Variants in GAREM1 observed in about 807,000 individuals in gnomAD.
GAREM1 encodes GRB2 associated regulator of MAPK1 subtype 1, also known as GRB2-associated and regulator of MAPK protein 1.
Under a neutral mutation model 71.3 loss-of-function variants are expected in GAREM1, and 26 were observed. The observed-to-expected ratio is 0.36, with a 90% CI of 0.27 to 0.51. The LOEUF is 0.51. GAREM1 is among the 20% of genes least tolerant of loss of function. The pLI, the probability that GAREM1 is intolerant of heterozygous loss-of-function variation, is 0.95. For missense variants in GAREM1, 1,026 were observed against 1,103.1 expected (o/e 0.93, Z 0.99); for synonymous variants, 440 against 433.2 (o/e 1.02, Z -0.20).
At chr18:32,378,955 C>G (rs763160712) in intron 2 of GAREM1, among the ~76,000 whole-genome samples, 9 of 152,140 alleles carry the variant, frequency 5.9e-5, no homozygotes, top group Non-Finnish European at 1.3e-4. Context: ...GGAGACAGAT[C>G]AAATTCAAAA....
chr18:32,268,252 A>T lies in GAREM1; in HGVS notation c.2250T>A (p.Gly750=), dbSNP rs2041404125. The T allele has an allele frequency of 1.9e-6, 3 of 1,614,096 alleles. No homozygotes were observed. Among genetic ancestry groups the T allele is most frequent in the Non-Finnish European group, 2.5e-6 (3 of 1,180,026 alleles). The change falls in exon 6 of 6, where the codon GGT becomes GGA. Residue 750 remains glycine, a synonymous_variant. Transcript: ENST00000269209. ...ACCCAGACTTGGGGTCTTCCTCAGC[A>T]CCATCAATTTTCAGAGGCAAAGGAG... is the stretch of plus-strand genomic sequence containing the variant. ...ETSPLPLKID[G]AEEDPKSGSP...
At chr18:32,342,287 T>C (rs1293014006) in intron 2 of GAREM1, among the ~76,000 whole-genome samples, 1 of 152,064 alleles carries the variant, frequency 6.6e-6, no homozygotes, top group African/African-American at 2.4e-5. Context: ...CATCAATAAC[T>C]CTCCTGGGTT....
intron 2 of GAREM1, among the ~76,000 whole-genome samples, chr18:32,391,739 A>G (rs914170769): frequency 1.3e-5 from 2 of 152,134 alleles, no homozygotes; most frequent in Non-Finnish European, 2.9e-5. Context: ...GCTTTCTACA[A>G]GTATACATTT....
intron 3 of GAREM1, among the ~76,000 whole-genome samples, chr18:32,303,463 G>A (rs73956873): frequency 2.4e-3 from 370 of 152,328 alleles, no homozygotes; most frequent in African/African-American, 7.9e-3. Context: ...ATTGGGCTGA[G>A]TTTGAAAGGC....
At chr18:32,398,483 A>G (rs896844474) in intron 1 of GAREM1, among the ~76,000 whole-genome samples, 13 of 152,188 alleles carry the variant, frequency 8.5e-5, no homozygotes, top group African/African-American at 3.1e-4. Context: ...GATAAAGGGG[A>G]TATCACCACC....
chr18:32,459,719 C>T (rs1568019902), intron 1 of GAREM1, among the ~76,000 whole-genome samples: 1 of 152,126 alleles, frequency 6.6e-6, no homozygotes, highest in African/African-American at 2.4e-5. Context: ...AAATGAAGAT[C>T]TAGGAGCATA....
intron 2 of GAREM1, among the ~76,000 whole-genome samples, chr18:32,320,361 C>CAAA (rs915918279): frequency 3.9e-5 from 6 of 152,078 alleles, no homozygotes; most frequent in Non-Finnish European, 2.9e-5. Context: ...ATGATAAAAA[C>CAAA]AAAAACTTGA....
At position 32,464,529 on chromosome 18, in the gene GAREM1, C is replaced by T. The variant is rs774842416; in HGVS notation, c.121+5779G>A. Among the ~76,000 whole-genome samples the T allele has an allele frequency of 5.1e-4, 78 of 152,174 alleles. 1 individual carries two copies. The highest frequency in any genetic ancestry group is 1.0e-3 in the Non-Finnish European group (69 of 68,042). ...AAGTTCCTTTCCAAACTCCTCCAGT[C>T]CCTCCGAAGCCCAATCTTGGTTAGA... On this transcript the variant is annotated intron_variant, in intron 1 of 5. Coordinates refer to ENST00000269209, the MANE Select transcript of GAREM1 (RefSeq NM_001242409.2).
At chr18:32,373,232 T>C (rs78664357) in intron 2 of GAREM1, among the ~76,000 whole-genome samples, 145 of 152,344 alleles carry the variant, frequency 9.5e-4, no homozygotes, top group African/African-American at 3.4e-3. Context: ...AAGAGAATCC[T>C]ACTTCTTGTT....
intron 3 of GAREM1, among the ~76,000 whole-genome samples, chr18:32,289,642 T>G (rs1219184633): frequency 6.6e-6 from 1 of 152,188 alleles, no homozygotes; most frequent in East Asian, 1.9e-4. Context: ...TGCTTCTAGC[T>G]GAGATGATAT....
At chr18:32,450,945 G>C (rs1348380494) in intron 1 of GAREM1, among the ~76,000 whole-genome samples, 1 of 151,964 alleles carries the variant, frequency 6.6e-6, no homozygotes, top group Non-Finnish European at 1.5e-5. Flanking sequence ...CCAGGAGATT[G>C]AGACCAGCCT....
At chr18:32,317,993 G>C (rs2047396506) in intron 2 of GAREM1, among the ~76,000 whole-genome samples, 1 of 152,110 alleles carries the variant, frequency 6.6e-6, no homozygotes, top group Non-Finnish European at 1.5e-5. Context: ...GGAGATTGTT[G>C]AAACATCTGT....
At chr18:32,384,944 G>A (rs1291889684) in intron 2 of GAREM1, among the ~76,000 whole-genome samples, 1 of 152,094 alleles carries the variant, frequency 6.6e-6, no homozygotes, top group African/African-American at 2.4e-5. Context: ...TGTTACAGCA[G>A]CTATGAAATT....
At chr18:32,350,024 G>A (rs2047732095) in intron 2 of GAREM1, among the ~76,000 whole-genome samples, 1 of 152,188 alleles carries the variant, frequency 6.6e-6, no homozygotes. Flanking sequence ...TGAAGTGGGA[G>A]AAAGAAACTT....
At chr18:32,280,376 C>G (rs2041597033) in intron 4 of GAREM1, among the ~76,000 whole-genome samples, 1 of 152,146 alleles carries the variant, frequency 6.6e-6, no homozygotes, top group Non-Finnish European at 1.5e-5. Flanking sequence ...CTGGCAGCAC[C>G]AGGAGCTGGC....
At chr18:32,344,727 A>G (rs1237449119) in intron 2 of GAREM1, among the ~76,000 whole-genome samples, 1 of 152,234 alleles carries the variant, frequency 6.6e-6, no homozygotes, top group Non-Finnish European at 1.5e-5. Context: ...ATTTGTAATA[A>G]TGAAGTGTCA....
intron 1 of GAREM1, among the ~76,000 whole-genome samples, chr18:32,446,129 T>C (rs1235183199): frequency 6.6e-6 from 1 of 152,090 alleles, no homozygotes; most frequent in African/African-American, 2.4e-5. Context: ...CAATAGTAAT[T>C]ATTCATTTCA....
chr18:32,358,478 A>G (rs929371183), intron 2 of GAREM1, among the ~76,000 whole-genome samples: 2 of 152,006 alleles, frequency 1.3e-5, no homozygotes, highest in African/African-American at 2.4e-5. Context: ...CTCTCCCCCA[A>G]AAGGGTGCTG....
At chr18:32,463,311 A>C (rs2048969108) in intron 1 of GAREM1, among the ~76,000 whole-genome samples, 1 of 147,142 alleles carries the variant, frequency 6.8e-6, no homozygotes, top group Non-Finnish European at 1.5e-5. Flanking sequence ...TGGATATTAC[A>C]GTACTGTTCT....
Sources: gnomAD v4.1 joint callset for allele counts (sites outside exome capture counted in the v4.1 genomes callset) on GRCh38, gnomAD v4.1.1 for gene constraint, MANE v1.5 for transcripts, NCBI Gene and HGNC (gene_info 2026-07-23, HGNC 2026-07-21) for gene names.